Variants in SH2D1A observed in about 807,000 individuals in gnomAD.
SH2D1A encodes SH2 domain-containing protein 1A.
SH2D1A carries 6 observed loss-of-function variants against 10.1 expected under a neutral mutation model. That is an observed-to-expected ratio of 0.60 (90% CI 0.33 to 1.18). SH2D1A has a LOEUF of 1.18. Ranked by LOEUF, SH2D1A falls within the 50% of genes most tolerant of loss-of-function variation. The pLI, the probability that SH2D1A is intolerant of heterozygous loss-of-function variation, is 0.04. For missense variants in SH2D1A, 51 were observed against 97.6 expected (o/e 0.52, Z 2.01); for synonymous variants, 42 against 36.9 (o/e 1.14, Z -0.51).
chrX:124,363,028 T>G (rs141189233), intron 1 of SH2D1A, among the ~76,000 whole-genome samples: 3 of 111,307 alleles, frequency 2.7e-5, no homozygotes, highest in Non-Finnish European at 5.7e-5. Flanking sequence ...TCTTGGACTT[T>G]CCAGCCTCCA....
intron 1 of SH2D1A, among the ~76,000 whole-genome samples, chrX:124,357,132 C>A (rs1225140487): frequency 9.0e-6 from 1 of 111,473 alleles, no homozygotes; most frequent in African/African-American, 3.3e-5. Context: ...TTTCCCAATC[C>A]CCACCCTGCA....
chrX:124,348,126 T>C (rs2059998666), intron 1 of SH2D1A, among the ~76,000 whole-genome samples: 2 of 111,972 alleles, frequency 1.8e-5, no homozygotes, highest in Non-Finnish European at 3.8e-5. Context: ...GCTAAATACA[T>C]TTTTCACAAA....
chrX:124,350,951 A>AATATATTATATATTGTATATAAG (rs1569527253), intron 1 of SH2D1A, among the ~76,000 whole-genome samples: 1 of 69,266 alleles, frequency 1.4e-5, no homozygotes, highest in African/African-American at 6.9e-5. Context: ...TATAAGATAT[A>AATATATTATATATTGTATATAAG]ATATATTATA....
intron 2 of SH2D1A, among the ~76,000 whole-genome samples, chrX:124,367,375 A>G (rs1462185220): frequency 8.9e-6 from 1 of 111,959 alleles, no homozygotes; most frequent in African/African-American, 3.2e-5. Flanking sequence ...TGACTGGAAA[A>G]AATTTCTCTA....
chrX:124,357,164 G>T (rs2060028530), intron 1 of SH2D1A, among the ~76,000 whole-genome samples: 3 of 111,539 alleles, frequency 2.7e-5, no homozygotes, highest in African/African-American at 9.8e-5. Flanking sequence ...GCCCCTGGTA[G>T]CCACCCACCA....
chrX:124,351,216 T>A (rs984060727), intron 1 of SH2D1A, among the ~76,000 whole-genome samples: 1 of 105,706 alleles, frequency 9.5e-6, no homozygotes, highest in Non-Finnish European at 1.9e-5. Flanking sequence ...ATATGTAATG[T>A]TCTTAGAGAC....
In SH2D1A at chrX:124,346,659, T is replaced by C; in HGVS notation, c.17T>C (p.Val6Ala). The C allele has an allele frequency of 8.3e-7, 1 of 1,211,945 alleles. No individual in the cohort carries two copies. Among genetic ancestry groups the C allele is most frequent in the Admixed American group, 2.2e-5 (1 of 46,129 alleles). Residue 6 changes from valine to alanine, a missense_variant, in exon 1 of 4, where the codon GTG becomes GCG. Coordinates refer to ENST00000371139, the MANE Select transcript of SH2D1A (RefSeq NM_002351.5). ...CACCAGGCCATGGACGCAGTGGCTG[T>C]GTATCATGGCAAAATCAGCAGGGAA... is the stretch of plus-strand genomic sequence containing the variant. MDAVA[V>A]YHGKISRETG...
chrX:124,364,928 T>C (rs1468540937), intron 1 of SH2D1A, among the ~76,000 whole-genome samples: 1 of 111,011 alleles, frequency 9.0e-6, no homozygotes, highest in Non-Finnish European at 1.9e-5. Flanking sequence ...TCTCAACAGG[T>C]ATAGCATTCT....
In SH2D1A at chrX:124,366,655, T is replaced by C. The variant is rs145926096; in HGVS notation, c.201+831T>C. 1.9e-4 allele frequency among the ~76,000 whole-genome samples: 21 copies of C among 111,267 alleles called. No homozygotes were observed. The East Asian group carries it at 5.6e-3, about 30-fold the overall frequency. ...TATAAATTACAGACCACAAATGTTTTGAACCACTGAGATGAATTAGGCCAA... is the reference window on the plus strand; with the variant it reads ...TATAAATTACAGACCACAAATGTTTCGAACCACTGAGATGAATTAGGCCAA... On this transcript the variant is annotated intron_variant, in intron 2 of 3. Transcript: ENST00000371139.
At chrX:124,370,467 A>G (rs2060066853) in intron 3 of SH2D1A, 147 bp downstream of exon 3, 1 of 494,897 alleles carries the variant, frequency 2.0e-6, no homozygotes, top group African/African-American at 2.4e-5. Context: ...AGAGGTGACA[A>G]TTTATGTGCT....
In SH2D1A at chrX:124,365,727, A is replaced by G. The variant is rs374304414; in HGVS notation, c.138-34A>G. On this transcript the variant is annotated intron_variant, in intron 1 of 3. Transcript: ENST00000371139. The stretch of plus-strand genomic sequence containing the variant: ...TTTAAAGTATCCATTGTTCTTTTGG[A>G]ATCTTTCAGTAATGGAAGTTTATTC... 4.3e-5 allele frequency: 40 copies of G among 936,170 alleles called. No individual in the cohort carries two copies. In the African/African-American group the frequency reaches 7.1e-4, roughly 17 times the overall value. 77.2% of individuals were successfully genotyped at this position (936,170 alleles called of 1,213,427 possible).
chrX:124,365,682 T>C lies in SH2D1A; in HGVS notation c.138-79T>C, dbSNP rs948166957. On this transcript the variant is annotated intron_variant, in intron 1 of 3. Transcript: ENST00000371139. ...TGTGTCCTAGTATATGTGACATTTA[T>C]ATGTAATATTAAGCTCAAATTTAAA... 113 of 648,927 alleles carry C rather than the reference T, an allele frequency of 1.7e-4. No individual in the cohort carries two copies. In the Admixed American group the frequency reaches 2.5e-3, roughly 15 times the overall value. The allele number at this position is 648,927 out of a possible 1,213,427, so 53.5% of individuals were successfully genotyped here.
chrX:124,361,786 A>T (rs2060040712), intron 1 of SH2D1A, among the ~76,000 whole-genome samples: 1 of 112,347 alleles, frequency 8.9e-6, no homozygotes, highest in Non-Finnish European at 1.9e-5. Flanking sequence ...AAAAAGTTGA[A>T]GGAGTGGCTC....
chrX:124,361,587 C>A (rs2060040355), intron 1 of SH2D1A, among the ~76,000 whole-genome samples: 2 of 111,811 alleles, frequency 1.8e-5, no homozygotes, highest in Non-Finnish European at 3.8e-5. Flanking sequence ...GTTGGTAGAA[C>A]TATGGATGTT....
At chrX:124,353,353 G>A (rs2060019595) in intron 1 of SH2D1A, among the ~76,000 whole-genome samples, 1 of 111,558 alleles carries the variant, frequency 9.0e-6, no homozygotes, top group Non-Finnish European at 1.9e-5. Flanking sequence ...GTATGAATGT[G>A]TATGCTGATT....
Position 124,372,802 on chromosome X carries a change from G to T in SH2D1A, c.*1411G>T. On this transcript the variant is annotated 3_prime_UTR_variant, in exon 4 of 4. Transcript: ENST00000371139. ...CATGTACTGGCAAGACCTGATTTCT[G>T]AGCATTTAATATGGATGCCGTGGGA... 1 of 166,162 alleles carries T rather than the reference G, an allele frequency of 6.0e-6. No homozygotes were observed. 13.7% of individuals were successfully genotyped at this position (166,162 alleles called of 1,213,427 possible). A position where few individuals can be genotyped will look rare whatever the true frequency, so the allele number is the denominator to read the frequency against.
rs189143493 is a variant in SH2D1A at position 124,351,098 on chromosome X, T to C, written c.137+4319T>C. 2.9e-3 allele frequency among the ~76,000 whole-genome samples: 274 copies of C among 94,664 alleles called. 3 individuals are homozygous for C. The highest frequency in any genetic ancestry group is 0.01 in the African/African-American group (265 of 26,220). The allele number at this position is 94,664 out of a possible 115,157, so 82.2% of individuals were successfully genotyped here. A position where few individuals can be genotyped will look rare whatever the true frequency, so the allele number is the denominator to read the frequency against. On this transcript the variant is annotated intron_variant, in intron 1 of 3. Transcript: ENST00000371139. The stretch of plus-strand genomic sequence containing the variant: ...ATATATTATTATAAATATATATTTA[T>C]ATATATTTATATATAAATTTACATG...
intron 1 of SH2D1A, among the ~76,000 whole-genome samples, chrX:124,347,360 G>A (rs899130118): frequency 9.1e-6 from 1 of 110,336 alleles, no homozygotes; most frequent in Admixed American, 9.6e-5. Flanking sequence ...GTAGTGGGGG[G>A]TGGGGAGGGG....
intron 2 of SH2D1A, 77 bp from the exon 3 acceptor site, chrX:124,370,099 A>T: frequency 1.4e-6 from 1 of 717,362 alleles, no homozygotes; most frequent in Non-Finnish European, 2.2e-6. Flanking sequence ...TTCTCTTAGC[A>T]TCCCTAGCAC....
Sources: allele counts gnomAD v4.1 joint callset (sites outside exome capture counted in the v4.1 genomes callset), GRCh38; gene constraint gnomAD v4.1.1; transcripts MANE v1.5; gene names NCBI Gene and HGNC (gene_info 2026-07-23, HGNC 2026-07-21).